Variants in RDH14 observed in about 807,000 individuals in gnomAD.
The protein encoded by RDH14 is alcohol dehydrogenase PAN2.
In RDH14, 17 loss-of-function variants were observed where a neutral mutation model predicts 19.3. The ratio of observed to expected loss-of-function variants is 0.88; its 90% CI spans 0.60 to 1.32. The LOEUF (loss-of-function observed/expected upper bound fraction) is 1.32, where lower values mean the gene tolerates loss of function less well. RDH14 is among the 40% of genes most tolerant of loss of function. RDH14 has a pLI of 0.00. For synonymous variants in RDH14, 215 were observed against 188.9 expected (o/e 1.14, Z -1.13); for missense variants, 534 against 449.2 (o/e 1.19, Z -1.71).
Position 18,560,604 on chromosome 2 carries a change from C to T in RDH14, c.-32G>A, listed in dbSNP as rs1352590384. On this transcript the variant is annotated 5_prime_UTR_variant, in exon 1 of 2. The change creates a new upstream start codon in the 5' untranslated region. Coordinates refer to ENST00000381249, the MANE Select transcript of RDH14 (RefSeq NM_020905.4). ...GCCCGAGGGCCCACCGGCCCCTCCACGGGAGTTCCGCAGCCGCCGCCTTAC... is the reference window on the plus strand; with the variant it reads ...GCCCGAGGGCCCACCGGCCCCTCCATGGGAGTTCCGCAGCCGCCGCCTTAC... 1 of 1,392,012 alleles carries T rather than the reference C, an allele frequency of 7.2e-7. No individual in the cohort carries two copies. Among genetic ancestry groups the T allele is most frequent in the Admixed American group, 3.6e-5 (1 of 27,730 alleles). The allele number at this position is 1,392,012 out of a possible 1,614,324, so 86.2% of individuals were successfully genotyped here.
At chr2:18,559,483 A>G (rs34722188) in intron 1 of RDH14, among the ~76,000 whole-genome samples, 29,257 of 152,206 alleles carry the variant, frequency 0.19, 3,040 homozygotes, top group Middle Eastern at 0.29. Context: ...TGACAGTTAT[A>G]GGCAAGGACA....
chr2:18,555,172 GCT>G lies in RDH14; in HGVS notation c.*17_*18del, dbSNP rs1298958301. Reference sequence around the variant, plus strand: ...TAACTGATATGCAGTTTTATAAACAGCTCTTTTACTCCTTGTTCCTATTTTAG... The same window carrying G: ...TAACTGATATGCAGTTTTATAAACAGCTTTTACTCCTTGTTCCTATTTTAG... On this transcript the variant is annotated 3_prime_UTR_variant, in exon 2 of 2. Coordinates refer to ENST00000381249, the MANE Select transcript of RDH14 (RefSeq NM_020905.4). 1 of 1,606,184 alleles carries G rather than the reference GCT, an allele frequency of 6.2e-7. No homozygotes were observed. Among genetic ancestry groups the G allele is most frequent in the Non-Finnish European group, 8.5e-7 (1 of 1,175,078 alleles).
chr2:18,555,590 G>A lies in RDH14; in HGVS notation c.612C>T (p.Asp204=). 2 of 1,614,100 alleles carry A rather than the reference G, an allele frequency of 1.2e-6. No individual in the cohort carries two copies. Among genetic ancestry groups the A allele is most frequent in the South Asian group, 1.1e-5 (1 of 91,090 alleles). ...TATTATAGCTTTGTTCACTGTTCAA[G>A]TCATCAAAATTGATGTCTCCGTATT... is the stretch of plus-strand genomic sequence containing the variant. ...LYKYGDINFD[D]LNSEQSYNKS... The change falls in exon 2 of 2, where the codon GAC becomes GAT. Residue 204 remains aspartate, a synonymous_variant. Transcript: ENST00000381249.
intron 1 of RDH14, 102 bp downstream of exon 1, chr2:18,560,078 C>T: frequency 2.3e-6 from 3 of 1,312,450 alleles, no homozygotes; most frequent in Non-Finnish European, 3.0e-6. Context: ...AGGTGACACC[C>T]TGAACCCCAG....
intron 1 of RDH14, among the ~76,000 whole-genome samples, chr2:18,558,745 A>ACAT (rs1384083928): frequency 1.7e-4 from 26 of 152,192 alleles, no homozygotes; most frequent in Non-Finnish European, 3.5e-4. Flanking sequence ...CCAGTCTAAG[A>ACAT]CATAAGTGAT....
At chr2:18,556,423 A>G (rs1663921337) in intron 1 of RDH14, among the ~76,000 whole-genome samples, 1 of 152,234 alleles carries the variant, frequency 6.6e-6, no homozygotes, top group Admixed American at 6.5e-5. Context: ...AAATACTTGC[A>G]AACTACTAAA....
At chr2:18,557,731 T>C (rs1429271974) in intron 1 of RDH14, among the ~76,000 whole-genome samples, 1 of 152,278 alleles carries the variant, frequency 6.6e-6, no homozygotes, top group Admixed American at 6.5e-5. Context: ...ACAACTTAAT[T>C]ATCTCTTTGT....
rs765827424 is a variant in RDH14, at chr2:18,560,390, G to C, written c.183C>G (p.Ala61=). 2.1e-5 allele frequency: 31 copies of C among 1,481,378 alleles called. No homozygotes were observed. In the East Asian group the frequency reaches 8.1e-4, roughly 39 times the overall value. The allele number at this position is 1,481,378 out of a possible 1,614,324, so 91.8% of individuals were successfully genotyped here. Residue 61 remains alanine, a synonymous_variant, in exon 1 of 2, where the codon GCC becomes GCG. Transcript: ENST00000381249. ...CCCGCGCTCCCAGGCGCAGTAGCTC[G>C]GCGGCCGTGGCGCGGCCCAGGCCGC... is the stretch of plus-strand genomic sequence containing the variant. The part of the protein sequence containing the change: ...ANSGLGRATA[A]ELLRLGARVI...
chr2:18,556,140 A>G (rs887377553), intron 1 of RDH14, among the ~76,000 whole-genome samples: 1 of 152,248 alleles, frequency 6.6e-6, no homozygotes, highest in African/African-American at 2.4e-5. Flanking sequence ...TGTAGAAACT[A>G]AATCTAAGAC....
chr2:18,555,344 G>A lies in RDH14; in HGVS notation c.858C>T (p.Ser286=), dbSNP rs751419680. The A allele has an allele frequency of 6.2e-6, 10 of 1,613,928 alleles. No homozygotes were observed. The highest frequency in any genetic ancestry group is 1.3e-5 in the African/African-American group (1 of 74,892). Residue 286 remains serine, a synonymous_variant, in exon 2 of 2, where the codon TCC becomes TCT. Coordinates refer to ENST00000381249, the MANE Select transcript of RDH14 (RefSeq NM_020905.4). The part of the protein sequence containing the change: ...FKTPVEGAQT[S]IYLASSPEVE... Reference sequence around the variant, plus strand: ...CCTCAGGTGAAGAGGCCAAATAAATGGAAGTCTGGGCACCTTCTACTGGAG... The same window carrying A: ...CCTCAGGTGAAGAGGCCAAATAAATAGAAGTCTGGGCACCTTCTACTGGAG...
In RDH14 at chr2:18,560,229, T is replaced by A. The variant is rs1218788004; in HGVS notation, c.344A>T (p.Asp115Val). The A allele has an allele frequency of 6.6e-7, 1 of 1,526,496 alleles. No individual in the cohort carries two copies. The highest frequency in any genetic ancestry group is 8.7e-7 in the Non-Finnish European group (1 of 1,143,582). The allele number at this position is 1,526,496 out of a possible 1,614,324, so 94.6% of individuals were successfully genotyped here. A position where few individuals can be genotyped will look rare whatever the true frequency, so the allele number is the denominator to read the frequency against. ...GCGCACCGAGCGCAGCGAGGCGAGG[T>A]CCAGCTCCCGGACTATGAGCTCGCC... is the stretch of plus-strand genomic sequence containing the variant. ...GVGELIVRELDLASLRSVRAF... is the reference protein window; with the variant it reads ...GVGELIVRELVLASLRSVRAF... Residue 115 changes from aspartate to valine, a missense_variant, in exon 1 of 2, where the codon GAC becomes GTC. Transcript: ENST00000381249.
intron 1 of RDH14, among the ~76,000 whole-genome samples, chr2:18,556,248 C>T (rs139696682): frequency 6.6e-6 from 1 of 152,220 alleles, no homozygotes; most frequent in African/African-American, 2.4e-5. Flanking sequence ...GTACCAAGAT[C>T]TTTCTCAAAA....
chr2:18,559,272 T>C (rs948421601), intron 1 of RDH14, among the ~76,000 whole-genome samples: 9 of 152,210 alleles, frequency 5.9e-5, no homozygotes, highest in African/African-American at 2.2e-4. Context: ...CATCCACTTA[T>C]GTGGAATTAC....
intron 1 of RDH14, 88 bp downstream of exon 1, chr2:18,560,092 G>C: frequency 7.3e-7 from 1 of 1,378,122 alleles, no homozygotes; most frequent in East Asian, 2.9e-5. Context: ...ACCCCAGGGC[G>C]GTCCCTCGCG....
chr2:18,560,434 G>C lies in RDH14; in HGVS notation c.139C>G (p.Leu47Val). 1 of 1,513,856 alleles carries C rather than the reference G, an allele frequency of 6.6e-7. No individual in the cohort carries two copies. The highest frequency in any genetic ancestry group is 8.8e-7 in the Non-Finnish European group (1 of 1,139,536). The allele number at this position is 1,513,856 out of a possible 1,614,324, so 93.8% of individuals were successfully genotyped here. Reference sequence around the variant, plus strand: ...AGGCCGCTGTTCGCCCCGGTGATCAGCACAGTCTTCCCGTGCATGAGGCCG... The same window carrying C: ...AGGCCGCTGTTCGCCCCGGTGATCACCACAGTCTTCCCGTGCATGAGGCCG... ...DPGLMHGKTV[L>V]ITGANSGLGR... Residue 47 changes from leucine (L) to valine (V), a missense_variant, in exon 1 of 2, where the codon CTG (leucine) becomes GTG (valine). Physicochemically the swap from Leu to Val is conservative, Grantham distance 32. Transcript: ENST00000381249.
At chr2:18,558,258 T>C (rs940193113) in intron 1 of RDH14, among the ~76,000 whole-genome samples, 1 of 152,240 alleles carries the variant, frequency 6.6e-6, no homozygotes, top group Non-Finnish European at 1.5e-5. Context: ...CCAACAGAGA[T>C]ACATTTCCCA....
intron 1 of RDH14, among the ~76,000 whole-genome samples, chr2:18,558,556 C>T (rs1337395632): frequency 6.6e-6 from 1 of 152,180 alleles, no homozygotes; most frequent in East Asian, 1.9e-4. Flanking sequence ...AAGATCTTTA[C>T]CCTAAAACAC....
intron 1 of RDH14, among the ~76,000 whole-genome samples, chr2:18,556,514 G>GAGCC (rs1163943217): frequency 2.0e-5 from 3 of 152,164 alleles, no homozygotes; most frequent in African/African-American, 7.2e-5. Flanking sequence ...AGCTTGATAG[G>GAGCC]AGCCAGGCTT....
In RDH14 at chr2:18,560,640, G is replaced by A. The variant is rs1256254890; in HGVS notation, c.-68C>T. 6 of 1,369,938 alleles carry A rather than the reference G, an allele frequency of 4.4e-6. No homozygotes were observed. The East Asian group carries it at 1.2e-4, about 28-fold the overall frequency. 84.9% of individuals were successfully genotyped at this position (1,369,938 alleles called of 1,614,324 possible). A position where few individuals can be genotyped will look rare whatever the true frequency, so the allele number is the denominator to read the frequency against. ...CAGCCGCCGCCTTACCGGAACCCAA[G>A]AGACCACCTGTACGCGGAGAACGCT... On this transcript the variant is annotated 5_prime_UTR_variant, in exon 1 of 2. Coordinates refer to ENST00000381249, the MANE Select transcript of RDH14 (RefSeq NM_020905.4).
Sources: allele counts gnomAD v4.1 joint callset (sites outside exome capture counted in the v4.1 genomes callset), GRCh38; gene constraint gnomAD v4.1.1; transcripts MANE v1.5; gene names NCBI Gene and HGNC (gene_info 2026-07-23, HGNC 2026-07-21).